HIP1: variants seen among roughly 807,000 people sequenced by gnomAD.
HIP1 encodes huntingtin-interacting protein 1.
A neutral mutation model predicts 147.6 loss-of-function variants in HIP1; 65 were observed. That is an observed-to-expected ratio of 0.44 (90% CI 0.36 to 0.54). HIP1 has a LOEUF of 0.54. Ranked by LOEUF, HIP1 falls within the 20% of genes least tolerant of loss-of-function variation. The pLI, the probability that HIP1 is intolerant of heterozygous loss-of-function variation, is 0.00. For missense variants in HIP1, 1,061 were observed against 1,299.6 expected, an observed-to-expected ratio of 0.82 and a Z score of 2.82; for synonymous variants, 479 against 504.0, an observed-to-expected ratio of 0.95 and a Z score of 0.67.
intron 1 of HIP1, among the ~76,000 whole-genome samples, chr7:75,651,015 G>T (rs1798959312): frequency 1.3e-5 from 2 of 152,232 alleles, no homozygotes; most frequent in African/African-American, 4.8e-5. Flanking sequence ...CTGGGTTATT[G>T]TTAGGTGCTT....
chr7:75,688,248 C>A (rs749426667), intron 1 of HIP1, among the ~76,000 whole-genome samples: 22 of 152,186 alleles, frequency 1.4e-4, no homozygotes, highest in Admixed American at 7.2e-4. Context: ...TGTGAAGCCA[C>A]CAGGGGTTCC....
At chr7:75,637,344 G>A (rs1195456845) in intron 1 of HIP1, among the ~76,000 whole-genome samples, 1 of 152,200 alleles carries the variant, frequency 6.6e-6, no homozygotes, top group African/African-American at 2.4e-5. Context: ...GAACCTGGGT[G>A]CAGGGCTGGG....
chr7:75,540,190 G>A (rs587710155), intron 29 of HIP1, among the ~76,000 whole-genome samples: 1 of 152,220 alleles, frequency 6.6e-6, no homozygotes, highest in African/African-American at 2.4e-5. Context: ...CACTTTGGGA[G>A]GCCAACGTGG....
At chr7:75,630,953 G>A (rs1310929355) in intron 1 of HIP1, among the ~76,000 whole-genome samples, 1 of 151,986 alleles carries the variant, frequency 6.6e-6, no homozygotes, top group Non-Finnish European at 1.5e-5. Flanking sequence ...ACTGTATTTT[G>A]TATTTTATCT....
At position 75,535,962 on chromosome 7, in the gene HIP1, C is replaced by T. The variant is rs1794067432; in HGVS notation, c.*2210G>A. 1 of 175,926 alleles carries T rather than the reference C, an allele frequency of 5.7e-6. No individual in the cohort carries two copies. The highest frequency in any genetic ancestry group is 1.2e-5 in the Non-Finnish European group (1 of 82,014). The allele number at this position is 175,926 out of a possible 1,614,324, so 10.9% of individuals were successfully genotyped here. On this transcript the variant is annotated 3_prime_UTR_variant, in exon 31 of 31. Coordinates refer to ENST00000336926, the MANE Select transcript of HIP1 (RefSeq NM_005338.7). The stretch of plus-strand genomic sequence containing the variant: ...CTCCTGACCTCAGGTGATCCTACCA[C>T]CTCAGCCTCTCAAAGTGCTGGGATT...
At chr7:75,660,119 C>T (rs982878416) in intron 1 of HIP1, among the ~76,000 whole-genome samples, 8 of 151,056 alleles carry the variant, frequency 5.3e-5, no homozygotes, top group Non-Finnish European at 4.4e-5. Context: ...AGCAAGACTC[C>T]GTCTCAAAAA....
chr7:75,582,840 G>A (rs1420706510), intron 5 of HIP1, among the ~76,000 whole-genome samples: 1 of 152,122 alleles, frequency 6.6e-6, no homozygotes, highest in Non-Finnish European at 1.5e-5. Flanking sequence ...AATCCCCATT[G>A]CAGACTTTGC....
At position 75,559,738 on chromosome 7, in the gene HIP1, T is replaced by A; in HGVS notation, c.1369A>T (p.Ile457Leu). ...GCCCCCACCCACCGCTCACTTTCTA[T>A]CTCAGACAGGCTCCGCTGAGCCTTC... ...TEKAQRSLSEIERKAQANEQR... is the reference protein window; with the variant it reads ...TEKAQRSLSELERKAQANEQR... The change falls in exon 14 of 31, where the codon ATA (isoleucine) becomes TTA (leucine). Residue 457 changes from isoleucine (I) to leucine (L), a missense_variant. Coordinates refer to ENST00000336926, the MANE Select transcript of HIP1 (RefSeq NM_005338.7). 1.3e-6 allele frequency: 1 copy of A among 744,964 alleles called. No homozygotes were observed. The highest frequency in any genetic ancestry group is 1.4e-5 in the South Asian group (1 of 72,062). 46.1% of individuals were successfully genotyped at this position (744,964 alleles called of 1,614,324 possible).
intron 1 of HIP1, among the ~76,000 whole-genome samples, chr7:75,616,085 C>CAACA (rs587767499): frequency 1.1e-4 from 4 of 35,322 alleles, no homozygotes; most frequent in Admixed American, 3.9e-4. Context: ...GACTCTGTCT[C>CAACA]AAAAAAAAAA....
At chr7:75,599,443 C>T (rs1363987054) in intron 1 of HIP1, among the ~76,000 whole-genome samples, 196 bp from the exon 2 acceptor site, 5 of 152,174 alleles carry the variant, frequency 3.3e-5, no homozygotes, top group East Asian at 3.9e-4. Context: ...CTGGCTGGGC[C>T]GTCCTGAGGG....
At chr7:75,589,889 C>T (rs1301947783) in intron 4 of HIP1, among the ~76,000 whole-genome samples, 3 of 151,688 alleles carry the variant, frequency 2.0e-5, no homozygotes, top group South Asian at 2.1e-4. Flanking sequence ...CACCACCACG[C>T]CCGGCTAATT....
chr7:75,592,731 C>T (rs1275095465), intron 2 of HIP1, among the ~76,000 whole-genome samples: 1 of 152,146 alleles, frequency 6.6e-6, no homozygotes, highest in Non-Finnish European at 1.5e-5. Context: ...GGAGGGAGCG[C>T]CGCTCAGAGC....
intron 1 of HIP1, among the ~76,000 whole-genome samples, chr7:75,615,956 C>T (rs587666783): frequency 2.0e-5 from 3 of 150,524 alleles, no homozygotes; most frequent in Admixed American, 6.6e-5. Context: ...TGTGATGGTG[C>T]GCACCTGTAG....
intron 1 of HIP1, among the ~76,000 whole-genome samples, chr7:75,666,972 G>C (rs1249062598): frequency 2.6e-5 from 4 of 151,882 alleles, no homozygotes; most frequent in African/African-American, 4.8e-5. Context: ...TTACGAAAAG[G>C]GTTATAAATA....
At position 75,548,880 on chromosome 7, in the gene HIP1, G is replaced by C. The variant is rs1554491539; in HGVS notation, c.2406+11C>G. 6.3e-7 allele frequency: 1 copy of C among 1,590,924 alleles called. No individual in the cohort carries two copies. Among genetic ancestry groups the C allele is most frequent in the South Asian group, 1.1e-5 (1 of 90,660 alleles). On this transcript the variant is annotated intron_variant, in intron 23 of 30. Coordinates refer to ENST00000336926, the MANE Select transcript of HIP1 (RefSeq NM_005338.7). ...GGCATCGTTTCAGGAGATCCTGCAGGAACCTCCTACCTCTATTCTGGCCGT... is the reference window on the plus strand; with the variant it reads ...GGCATCGTTTCAGGAGATCCTGCAGCAACCTCCTACCTCTATTCTGGCCGT...
intron 1 of HIP1, among the ~76,000 whole-genome samples, chr7:75,621,976 C>G (rs1797859821): frequency 6.6e-6 from 1 of 152,096 alleles, no homozygotes; most frequent in Non-Finnish European, 1.5e-5. Flanking sequence ...TGTGCCGCAT[C>G]TGGAGTTCAG....
rs782014396 is a variant in HIP1 at position 75,588,972 on chromosome 7, GAAAC to G, written c.385-2143_385-2140del. Among the ~76,000 whole-genome samples the G allele has an allele frequency of 2.0e-4, 30 of 152,012 alleles. No homozygotes were observed. In the South Asian group the frequency reaches 5.0e-3, roughly 25 times the overall value. ...TCGAAACCAGCCTAGCCAACATGGTGAAACCCCATCTCTATTAAACATACAAAAT... is the reference window on the plus strand; with the variant it reads ...TCGAAACCAGCCTAGCCAACATGGTGCCCATCTCTATTAAACATACAAAAT... On this transcript the variant is annotated intron_variant, in intron 4 of 30. Transcript: ENST00000336926.
chr7:75,604,397 G>C (rs587702388), intron 1 of HIP1, among the ~76,000 whole-genome samples: 2 of 152,288 alleles, frequency 1.3e-5, no homozygotes, highest in South Asian at 4.1e-4. Flanking sequence ...AATGGGGCTG[G>C]ATGTGGTGGC....
intron 17 of HIP1, 24 bp downstream of exon 17, chr7:75,556,686 C>CAAA: frequency 1.4e-5 from 15 of 1,102,406 alleles, no homozygotes; most frequent in Non-Finnish European, 1.8e-5. Context: ...ACTCTATCTC[C>CAAA]AAAAAAAAAA....
Sources: allele counts gnomAD v4.1 joint callset (sites outside exome capture counted in the v4.1 genomes callset), GRCh38; gene constraint gnomAD v4.1.1; transcripts MANE v1.5; gene names NCBI Gene and HGNC (gene_info 2026-07-23, HGNC 2026-07-21).